ENPP1: variants seen among roughly 807,000 people sequenced by gnomAD.
ENPP1 encodes the protein ectonucleotide pyrophosphatase/phosphodiesterase 1.
Under a neutral mutation model 122.8 loss-of-function variants are expected in ENPP1, and 73 were observed. That is an observed-to-expected ratio of 0.59 (90% CI 0.49 to 0.72). The LOEUF (loss-of-function observed/expected upper bound fraction) is 0.72, where lower values mean the gene tolerates loss of function less well. Among genes scored for constraint, ENPP1 ranks in the 30% least tolerant of loss-of-function variants. The pLI, the probability that ENPP1 is intolerant of heterozygous loss-of-function variation, is 0.00. For synonymous variants in ENPP1, 367 were observed against 391.6 expected (o/e 0.94, Z 0.74); for missense variants, 978 against 1,128.1 (o/e 0.87, Z 1.91).
chr6:131,854,271 G>A (rs1352885327), intron 5 of ENPP1, among the ~76,000 whole-genome samples: 2 of 151,962 alleles, frequency 1.3e-5, no homozygotes, highest in African/African-American at 4.8e-5. Context: ...AAATTAGCCA[G>A]GCATGGTGGT....
intron 5 of ENPP1, among the ~76,000 whole-genome samples, chr6:131,854,497 C>T (rs1187974948): frequency 6.6e-6 from 1 of 151,908 alleles, no homozygotes; most frequent in Non-Finnish European, 1.5e-5. Context: ...GTATTAGAGT[C>T]CATATCAGAA....
chr6:131,836,594 G>A (rs555505748), intron 1 of ENPP1, among the ~76,000 whole-genome samples: 9 of 152,122 alleles, frequency 5.9e-5, no homozygotes, highest in South Asian at 2.1e-4. Context: ...AGAACTTGGC[G>A]TTTTTTTAAA....
chr6:131,862,863 C>A (rs1024007448), intron 9 of ENPP1, among the ~76,000 whole-genome samples: 3 of 151,998 alleles, frequency 2.0e-5, no homozygotes, highest in Admixed American at 6.5e-5. Flanking sequence ...GTTAGTCCTA[C>A]AAAGGTAGAC....
rs568497338 is a variant in ENPP1, at chr6:131,884,774, C to T, written c.2312-157C>T. Among the ~76,000 whole-genome samples the T allele has an allele frequency of 1.1e-4, 17 of 152,258 alleles. No homozygotes were observed. The East Asian group carries it at 3.3e-3, about 29-fold the overall frequency. ...TGGGTGATATAGCACGACTCTGTCT[C>T]TAAACAAAAAACAAAACAAAACGAA... On this transcript the variant is annotated intron_variant, in intron 22 of 24. Transcript: ENST00000647893.
chr6:131,857,893 G>C (rs900780945), intron 6 of ENPP1, among the ~76,000 whole-genome samples: 26 of 152,198 alleles, frequency 1.7e-4, no homozygotes, highest in Non-Finnish European at 3.4e-4. Context: ...TTAGAGTTAA[G>C]AGGTGGAGGT....
At chr6:131,823,233 C>T (rs1781503555) in intron 1 of ENPP1, among the ~76,000 whole-genome samples, 1 of 152,186 alleles carries the variant, frequency 6.6e-6, no homozygotes, top group South Asian at 2.1e-4. Flanking sequence ...ATGCTAAAGA[C>T]TTATCTCCTT....
At chr6:131,860,762 C>T (rs1782011188) in intron 8 of ENPP1, among the ~76,000 whole-genome samples, 1 of 152,024 alleles carries the variant, frequency 6.6e-6, no homozygotes, top group Non-Finnish European at 1.5e-5. Context: ...TCTTCTTCTA[C>T]CAGTAGCATA....
At chr6:131,865,625 C>A (rs1014832350) in intron 11 of ENPP1, among the ~76,000 whole-genome samples, 6 of 152,132 alleles carry the variant, frequency 3.9e-5, no homozygotes, top group Non-Finnish European at 7.3e-5. Flanking sequence ...TTTTTGTTAC[C>A]ATTTTAATGG....
In ENPP1 at chr6:131,883,697, TAAATAA is replaced by T; in HGVS notation, c.2239_2244del (p.Lys747_Asn748del). ...TTGTCCTCTTTTCTCTTTGTAGAAC[TAAATAA>T]AAATTCAAGTGGAATATATTCTGAA... is the stretch of plus-strand genomic sequence containing the variant. On this transcript the variant is annotated inframe_deletion, in exon 22 of 25. Transcript: ENST00000647893. 7.3e-7 allele frequency: 1 copy of T among 1,368,892 alleles called. No homozygotes were observed. Among genetic ancestry groups the T allele is most frequent in the Non-Finnish European group, 1.0e-6 (1 of 957,442 alleles). 84.8% of individuals were successfully genotyped at this position (1,368,892 alleles called of 1,614,324 possible).
chr6:131,820,391 T>C (rs1224618319), intron 1 of ENPP1: 1 of 156,526 alleles, frequency 6.4e-6, no homozygotes, highest in African/African-American at 2.4e-5. Flanking sequence ...CAGGGCTGAT[T>C]TGGCTATCTG....
At chr6:131,830,717 G>A (rs887474361) in intron 1 of ENPP1, among the ~76,000 whole-genome samples, 11 of 151,974 alleles carry the variant, frequency 7.2e-5, no homozygotes, top group African/African-American at 2.7e-4. Flanking sequence ...TTACAAAATA[G>A]TATTACATGC....
chr6:131,819,304 CA>C (rs1315331570), intron 1 of ENPP1, among the ~76,000 whole-genome samples: 1 of 152,022 alleles, frequency 6.6e-6, no homozygotes, highest in African/African-American at 2.4e-5. Context: ...TTACTTCTTT[CA>C]AAAGACAAAT....
At chr6:131,858,217 C>A (rs1781974177) in intron 6 of ENPP1, among the ~76,000 whole-genome samples, 1 of 152,172 alleles carries the variant, frequency 6.6e-6, no homozygotes, top group African/African-American at 2.4e-5. Context: ...GTCTTTAAAG[C>A]AGCTGAGTTT....
Position 131,858,735 on chromosome 6 carries a change from C to G in ENPP1, c.783C>G (p.Tyr261Ter), listed in dbSNP as rs267606784. 6 of 1,607,442 alleles carry G rather than the reference C, an allele frequency of 3.7e-6. No homozygotes were observed. The East Asian group carries it at 6.7e-5, about 18-fold the overall frequency. ...CAACAAAAACTTTCCCCAATCACTACAGCATTGTCACCGTAAGCTCTGCAT... is the reference window on the plus strand; with the variant it reads ...CAACAAAAACTTTCCCCAATCACTAGAGCATTGTCACCGTAAGCTCTGCAT... ...VYPTKTFPNH[Y>*]SIVTGLYPES... The change falls in exon 7 of 25, where the codon TAC becomes TAG. Residue 261 changes from tyrosine (Y) to a stop codon, truncating the protein, a stop_gained. Coordinates refer to ENST00000647893, the MANE Select transcript of ENPP1 (RefSeq NM_006208.3). LOFTEE classifies it high-confidence loss of function.
At chr6:131,820,175 GA>G (rs1212735970) in intron 1 of ENPP1, 1 of 280,738 alleles carries the variant, frequency 3.6e-6, no homozygotes, top group Non-Finnish European at 6.8e-6. Flanking sequence ...TTTTAAAGAA[GA>G]ATGTCCATAA....
intron 24 of ENPP1, among the ~76,000 whole-genome samples, chr6:131,887,808 A>C (rs1409825689): frequency 1.4e-3 from 136 of 97,876 alleles, no homozygotes; most frequent in Admixed American, 2.2e-3. Flanking sequence ...CTTGTGATCC[A>C]CCCGCCTTGT....
intron 1 of ENPP1, chr6:131,827,007 G>T: frequency 4.0e-6 from 2 of 502,844 alleles, no homozygotes; most frequent in South Asian, 3.9e-5. Context: ...TACCAGAGAT[G>T]AATGGTCCAC....
intron 4 of ENPP1, chr6:131,851,542 C>T: frequency 2.4e-6 from 1 of 422,242 alleles, no homozygotes; most frequent in East Asian, 5.0e-5. Flanking sequence ...CATTCCCCTG[C>T]CACCACCCTC....
intron 12 of ENPP1, 105 bp from the exon 13 acceptor site, chr6:131,869,253 C>T (rs1361734571): frequency 4.8e-6 from 5 of 1,042,864 alleles, no homozygotes; most frequent in East Asian, 2.5e-5. Context: ...GAGTGCTACA[C>T]CCATGTTTAA....
Sources: gnomAD v4.1 joint callset for allele counts (sites outside exome capture counted in the v4.1 genomes callset) on GRCh38, gnomAD v4.1.1 for gene constraint, MANE v1.5 for transcripts, NCBI Gene and HGNC (gene_info 2026-07-23, HGNC 2026-07-21) for gene names.